The following UNC5D variants were observed in gnomAD, a reference collection of about 807,000 sequenced individuals.
UNC5D encodes unc-5 netrin receptor D.
Under a neutral mutation model 105.4 loss-of-function variants are expected in UNC5D, and 39 were observed. The observed-to-expected ratio is 0.37, with a 90% CI of 0.29 to 0.48. The LOEUF (loss-of-function observed/expected upper bound fraction) is 0.48, where lower values mean the gene tolerates loss of function less well. Ranked by LOEUF, UNC5D falls within the 20% of genes least tolerant of loss-of-function variation. The pLI is 0.98. For synonymous variants in UNC5D, 452 were observed against 450.4 expected (o/e 1.00, Z -0.04); for missense variants, 991 against 1,202.4 (o/e 0.82, Z 2.60).
chr8:35,451,359 T>C (rs1309190618), intron 1 of UNC5D, among the ~76,000 whole-genome samples: 1 of 152,084 alleles, frequency 6.6e-6, no homozygotes, highest in Non-Finnish European at 1.5e-5. Context: ...TAATAACCTT[T>C]TATAAGAGTT....
At chr8:35,332,735 T>C (rs984833921) in intron 1 of UNC5D, among the ~76,000 whole-genome samples, 1 of 152,180 alleles carries the variant, frequency 6.6e-6, no homozygotes, top group Non-Finnish European at 1.5e-5. Flanking sequence ...CACAGCTGAT[T>C]AGTGCTAAAT....
intron 2 of UNC5D, among the ~76,000 whole-genome samples, chr8:35,550,545 T>C (rs1816051959): frequency 6.6e-6 from 1 of 152,162 alleles, no homozygotes; most frequent in Admixed American, 6.5e-5. Flanking sequence ...TTATTAACTA[T>C]ATAGCAACGA....
intron 1 of UNC5D, among the ~76,000 whole-genome samples, chr8:35,402,011 G>A (rs1274305817): frequency 1.3e-5 from 2 of 152,108 alleles, no homozygotes; most frequent in Admixed American, 6.5e-5. Context: ...ACATACCTGC[G>A]AACACTCTGA....
At chr8:35,481,158 G>A (rs1180435244) in intron 1 of UNC5D, among the ~76,000 whole-genome samples, 1 of 152,086 alleles carries the variant, frequency 6.6e-6, no homozygotes. Flanking sequence ...ATATTTTATT[G>A]GACAAACATA....
intron 1 of UNC5D, among the ~76,000 whole-genome samples, chr8:35,404,446 A>G (rs940304176): frequency 6.6e-6 from 1 of 152,228 alleles, no homozygotes; most frequent in African/African-American, 2.4e-5. Flanking sequence ...AATGCTGTCT[A>G]TACTTTCCTG....
chr8:35,538,766 C>T (rs1815054259), intron 1 of UNC5D, among the ~76,000 whole-genome samples: 1 of 151,968 alleles, frequency 6.6e-6, no homozygotes, highest in Non-Finnish European at 1.5e-5. Flanking sequence ...CAAGTTCTAA[C>T]TTAGGGAACC....
chr8:35,366,726 CTGAG>C (rs1802143894), intron 1 of UNC5D, among the ~76,000 whole-genome samples: 1 of 151,906 alleles, frequency 6.6e-6, no homozygotes, highest in African/African-American at 2.4e-5. Flanking sequence ...CCTTCTTCCC[CTGAG>C]TAATTTAGAG....
chr8:35,428,869 G>A (rs1223830143), intron 1 of UNC5D, among the ~76,000 whole-genome samples: 1 of 151,980 alleles, frequency 6.6e-6, no homozygotes, highest in African/African-American at 2.4e-5. Context: ...CACTATTTGT[G>A]AAAGGCTTTA....
At chr8:35,616,815 T>G (rs1212552047) in intron 4 of UNC5D, among the ~76,000 whole-genome samples, 1 of 152,206 alleles carries the variant, frequency 6.6e-6, no homozygotes, top group African/African-American at 2.4e-5. Flanking sequence ...GGAGGAAAGA[T>G]CCGAAGGCCA....
chr8:35,765,460 C>T (rs7017863), intron 14 of UNC5D, among the ~76,000 whole-genome samples: 12,107 of 152,100 alleles, frequency 0.08, 1,335 homozygotes, highest in African/African-American at 0.25. Flanking sequence ...ACAAACAAAA[C>T]GACCCACAGC....
chr8:35,365,624 G>A (rs1373568299), intron 1 of UNC5D, among the ~76,000 whole-genome samples: 1 of 131,572 alleles, frequency 7.6e-6, no homozygotes, highest in Non-Finnish European at 1.6e-5. Context: ...AAAAGCAGCT[G>A]TGAAGGATAA....
At chr8:35,345,797 C>T (rs1811768488) in intron 1 of UNC5D, among the ~76,000 whole-genome samples, 2 of 151,592 alleles carry the variant, frequency 1.3e-5, no homozygotes, top group Admixed American at 1.3e-4. Context: ...GGAAAGTGCC[C>T]AAAGTGAGGA....
At chr8:35,602,802 A>C (rs1393432643) in intron 4 of UNC5D, among the ~76,000 whole-genome samples, 1 of 151,890 alleles carries the variant, frequency 6.6e-6, no homozygotes, top group Non-Finnish European at 1.5e-5. Context: ...TACATGTGAC[A>C]TGCTGGTGCG....
chr8:35,517,906 T>G lies in UNC5D; in HGVS notation c.104-31386T>G, dbSNP rs368821023. Among the ~76,000 whole-genome samples, 6 of 152,138 alleles carry G rather than the reference T, an allele frequency of 3.9e-5. No homozygotes were observed. In the East Asian group the frequency reaches 1.2e-3, roughly 29 times the overall value. ...GTCTTCTAACTGTAACATCACATAG[T>G]GGAAGGAACAAGGGATCTCACAGGT... On this transcript the variant is annotated intron_variant, in intron 1 of 16. Transcript: ENST00000404895.
At chr8:35,733,936 C>T (rs891325175) in intron 11 of UNC5D, among the ~76,000 whole-genome samples, 1 of 152,014 alleles carries the variant, frequency 6.6e-6, no homozygotes, top group African/African-American at 2.4e-5. Flanking sequence ...ATGCATTTTC[C>T]TGTAGTTTTC....
At chr8:35,271,712 T>TG (rs1563268286) in intron 1 of UNC5D, among the ~76,000 whole-genome samples, 1,622 of 46,882 alleles carry the variant, frequency 0.035, 89 homozygotes, top group African/African-American at 0.1. Flanking sequence ...TACATATATA[T>TG]TTATACATGT....
At chr8:35,441,629 T>A (rs1807409583) in intron 1 of UNC5D, among the ~76,000 whole-genome samples, 1 of 151,776 alleles carries the variant, frequency 6.6e-6, no homozygotes. Context: ...TAGACGTGGG[T>A]CACTGGCTTT....
intron 4 of UNC5D, among the ~76,000 whole-genome samples, chr8:35,652,288 CT>C (rs1016280665): frequency 6.6e-6 from 1 of 152,104 alleles, no homozygotes; most frequent in East Asian, 1.9e-4. Context: ...ACATTAATTG[CT>C]TTTCAAAGTC....
At chr8:35,552,566 A>C (rs1816243373) in intron 2 of UNC5D, among the ~76,000 whole-genome samples, 1 of 152,228 alleles carries the variant, frequency 6.6e-6, no homozygotes, top group South Asian at 2.1e-4. Flanking sequence ...CCAATCCTTT[A>C]ATCTGGGCAT....
Sources: allele counts gnomAD v4.1 joint callset (sites outside exome capture counted in the v4.1 genomes callset), GRCh38; gene constraint gnomAD v4.1.1; transcripts MANE v1.5; gene names NCBI Gene and HGNC (gene_info 2026-07-23, HGNC 2026-07-21).